Variants in AKAP7 observed in about 807,000 individuals in gnomAD.
AKAP7 encodes the protein A kinase (PRKA) anchor protein 7.
Under a neutral mutation model 39.5 loss-of-function variants are expected in AKAP7, and 39 were observed. That is an observed-to-expected ratio of 0.99 (90% CI 0.76 to 1.29). AKAP7 has a LOEUF of 1.29. Ranked by LOEUF, AKAP7 falls within the 50% of genes most tolerant of loss-of-function variation. The pLI is 0.00. For synonymous variants in AKAP7, 140 were observed against 139.1 expected (o/e 1.01, Z -0.05); for missense variants, 414 against 407.7 (o/e 1.02, Z -0.13).
intron 6 of AKAP7, among the ~76,000 whole-genome samples, chr6:131,204,749 G>C (rs1190805): frequency 2.0e-5 from 3 of 151,950 alleles, no homozygotes; most frequent in Admixed American, 1.3e-4. Flanking sequence ...GGCAGCCACC[G>C]GATTCAGAAA....
the AKAP7 span, among the ~76,000 whole-genome samples, chr6:131,127,583 T>C: frequency 6.6e-6 from 1 of 152,292 alleles, no homozygotes; most frequent in Non-Finnish European, 1.5e-5. Context: ...TAAGACTACA[T>C]ACAAATTTTC....
intron 1 of AKAP7, chr6:131,136,969 T>TATG (rs1800599259): frequency 1.4e-6 from 1 of 693,696 alleles, no homozygotes; most frequent in Admixed American, 6.3e-5. Context: ...TATATGTATA[T>TATG]ATGTATTTAG....
At chr6:131,204,108 C>T (rs11966670) in intron 6 of AKAP7, among the ~76,000 whole-genome samples, 5,620 of 152,066 alleles carry the variant, frequency 0.037, 329 homozygotes, top group African/African-American at 0.12. Flanking sequence ...GCCCTTTGAG[C>T]TATGAATTAT....
chr6:131,266,160 A>T (rs949687448), intron 7 of AKAP7, among the ~76,000 whole-genome samples: 1 of 152,098 alleles, frequency 6.6e-6, no homozygotes, highest in African/African-American at 2.4e-5. Context: ...CAAGACTGGG[A>T]TTGTCTCTGA....
intron 1 of AKAP7, among the ~76,000 whole-genome samples, chr6:131,137,137 AT>A (rs113626298): frequency 0.022 from 3,171 of 144,742 alleles, 42 homozygotes; most frequent in Middle Eastern, 0.054. Context: ...TAATTTTTGT[AT>A]TTTTTTTTTT....
chr6:131,189,133 A>G (rs1003082284), intron 5 of AKAP7, among the ~76,000 whole-genome samples: 1 of 152,200 alleles, frequency 6.6e-6, no homozygotes, highest in East Asian at 1.9e-4. Context: ...ACTGGCTGGG[A>G]GCAGCTCGCT....
At chr6:131,276,342 C>T (rs893297567) in intron 7 of AKAP7, among the ~76,000 whole-genome samples, 15 of 151,996 alleles carry the variant, frequency 9.9e-5, no homozygotes, top group Non-Finnish European at 2.1e-4. Context: ...TCCTGGGGTA[C>T]TGCAGCTAAT....
intron 7 of AKAP7, among the ~76,000 whole-genome samples, chr6:131,237,441 C>T (rs1233022820): frequency 1.3e-5 from 2 of 152,108 alleles, no homozygotes. Context: ...AGGGAGGATT[C>T]CCTCTTTTTC....
chr6:131,137,311 G>C (rs1001318148), intron 1 of AKAP7: 2 of 151,908 alleles, frequency 1.3e-5, no homozygotes, highest in Non-Finnish European at 2.9e-5. Context: ...AAATTGAGTA[G>C]TCATTTATTA....
At chr6:131,189,721 A>G (rs1318508220) in intron 5 of AKAP7, among the ~76,000 whole-genome samples, 3 of 152,226 alleles carry the variant, frequency 2.0e-5, no homozygotes, top group Admixed American at 2.0e-4. Flanking sequence ...TTGTTTCTCT[A>G]TTAAATTGTT....
At chr6:131,182,115 G>C (rs1056561879) in intron 5 of AKAP7, among the ~76,000 whole-genome samples, 1 of 146,030 alleles carries the variant, frequency 6.8e-6, no homozygotes, top group Non-Finnish European at 1.5e-5. Flanking sequence ...GACAGAGCAA[G>C]AGTCCGTCTG....
intron 5 of AKAP7, among the ~76,000 whole-genome samples, chr6:131,179,299 G>A (rs1330624189): frequency 2.0e-5 from 3 of 151,958 alleles, no homozygotes; most frequent in Admixed American, 6.6e-5. Flanking sequence ...TCAGCCTCCC[G>A]AGTAGCTGGG....
intron 7 of AKAP7, among the ~76,000 whole-genome samples, chr6:131,247,451 G>A (rs1461978744): frequency 2.0e-5 from 3 of 148,698 alleles, no homozygotes; most frequent in Admixed American, 6.7e-5. Context: ...TCAGCCTCCC[G>A]AGTAGCTGGG....
intron 6 of AKAP7, among the ~76,000 whole-genome samples, chr6:131,207,969 A>G (rs1287459002): frequency 6.6e-6 from 1 of 152,246 alleles, no homozygotes; most frequent in East Asian, 1.9e-4. Context: ...TCCCGGTGTC[A>G]GATGGCTTAA....
At chr6:131,141,758 G>A (rs1003893277) in intron 1 of AKAP7, among the ~76,000 whole-genome samples, 3 of 152,166 alleles carry the variant, frequency 2.0e-5, no homozygotes, top group Non-Finnish European at 2.9e-5. Context: ...GGAAGTTATT[G>A]GGAACTGCAG....
chr6:131,238,860 C>T (rs1811298165), intron 7 of AKAP7, among the ~76,000 whole-genome samples: 1 of 152,270 alleles, frequency 6.6e-6, no homozygotes, highest in East Asian at 1.9e-4. Flanking sequence ...ACTCTTTATC[C>T]AATTTGCCAG....
chr6:131,205,810 T>A (rs1484379307), intron 6 of AKAP7, among the ~76,000 whole-genome samples: 1 of 152,226 alleles, frequency 6.6e-6, no homozygotes, highest in Non-Finnish European at 1.5e-5. Context: ...GGAATCATTA[T>A]CATTGTATTC....
chr6:131,165,902 T>C (rs1183237906), intron 4 of AKAP7, among the ~76,000 whole-genome samples: 1 of 152,126 alleles, frequency 6.6e-6, no homozygotes, highest in African/African-American at 2.4e-5. Context: ...TATAGCTCAC[T>C]GTGTTAAGTT....
At chr6:131,238,050 T>C (rs1274760096) in intron 7 of AKAP7, among the ~76,000 whole-genome samples, 3 of 152,206 alleles carry the variant, frequency 2.0e-5, no homozygotes, top group African/African-American at 2.4e-5. Context: ...TTTAGTGCTA[T>C]AAATTTCCCT....
Sources: allele counts gnomAD v4.1 joint callset (sites outside exome capture counted in the v4.1 genomes callset), GRCh38; gene constraint gnomAD v4.1.1; transcripts MANE v1.5; gene names NCBI Gene and HGNC (gene_info 2026-07-23, HGNC 2026-07-21).